TENM2: variants seen among roughly 807,000 people sequenced by gnomAD.
TENM2 encodes teneurin-2.
TENM2 carries 52 observed loss-of-function variants against 245.2 expected under a neutral mutation model. The observed-to-expected ratio is 0.21, with a 90% CI of 0.17 to 0.27. TENM2 has a LOEUF of 0.27. TENM2 is among the 10% of genes least tolerant of loss of function. The probability of loss-of-function intolerance (pLI) is 1.00; values close to 1 mark genes in which losing one functional copy is unlikely to be tolerated. For synonymous variants in TENM2, 1,363 were observed against 1,438.9 expected (o/e 0.95, Z 1.19); for missense variants, 3,046 against 3,666.8 (o/e 0.83, Z 4.37).
chr5:167,670,924 T>C (rs4351166), intron 2 of TENM2, among the ~76,000 whole-genome samples: 52,932 of 152,004 alleles, frequency 0.35, 12,456 homozygotes, highest in East Asian at 0.9. Context: ...TAGGAGAGAC[T>C]GGGAAACCCT....
chr5:167,502,922 T>C (rs1295051762), intron 2 of TENM2, among the ~76,000 whole-genome samples: 1 of 152,198 alleles, frequency 6.6e-6, no homozygotes, highest in African/African-American at 2.4e-5. Context: ...TTCCGTCTCC[T>C]GGGTTCAAGC....
intron 1 of TENM2, among the ~76,000 whole-genome samples, chr5:167,316,799 G>C (rs1756389995): frequency 6.6e-6 from 1 of 152,154 alleles, no homozygotes; most frequent in Admixed American, 6.6e-5. Flanking sequence ...GAAAAGCCTG[G>C]AACAAGTGAA....
intron 2 of TENM2, among the ~76,000 whole-genome samples, chr5:167,699,347 G>C (rs1757994050): frequency 6.6e-6 from 1 of 152,006 alleles, no homozygotes; most frequent in Admixed American, 6.6e-5. Flanking sequence ...TGAATATCAA[G>C]CAGGGAAGGC....
the TENM2 span, among the ~76,000 whole-genome samples, chr5:167,107,010 C>T: frequency 4.6e-5 from 7 of 150,648 alleles, no homozygotes; most frequent in Non-Finnish European, 8.9e-5. Context: ...TTTGGGAGGC[C>T]GAGGCAGGTG....
chr5:168,194,987 T>C (rs571101677), intron 14 of TENM2, among the ~76,000 whole-genome samples, 189 bp from the exon 17 acceptor site: 2 of 152,270 alleles, frequency 1.3e-5, no homozygotes, highest in Non-Finnish European at 2.9e-5. Context: ...CCCAGCTCAG[T>C]GACGGGAGAT....
At chr5:168,001,148 G>C (rs1383334618) in intron 5 of TENM2, among the ~76,000 whole-genome samples, 1 of 152,194 alleles carries the variant, frequency 6.6e-6, no homozygotes, top group Non-Finnish European at 1.5e-5. Context: ...TAGCTTCACT[G>C]TTCCCCTATG....
At chr5:168,260,479 A>T in intron 28 of TENM2, 66 bp downstream of exon 30, 1 of 1,586,004 alleles carries the variant, frequency 6.3e-7, no homozygotes, top group Non-Finnish European at 8.6e-7. Flanking sequence ...ACAGAACCTC[A>T]TGGGAGCCAG....
chr5:167,323,667 AT>A (rs1384105015), intron 1 of TENM2, among the ~76,000 whole-genome samples: 3 of 152,198 alleles, frequency 2.0e-5, no homozygotes, highest in Non-Finnish European at 1.5e-5. Flanking sequence ...ATCTGTGAAA[AT>A]TTTGATAAAT....
intron 19 of TENM2, among the ~76,000 whole-genome samples, chr5:168,207,288 C>T (rs552571193): frequency 6.6e-5 from 10 of 152,244 alleles, no homozygotes; most frequent in African/African-American, 2.2e-4. Context: ...AACACAGACC[C>T]GTCTCCTCCC....
chr5:168,228,921 ATAT>A (rs1764541234), intron 25 of TENM2, among the ~76,000 whole-genome samples: 1 of 143,956 alleles, frequency 6.9e-6, no homozygotes, highest in Non-Finnish European at 1.5e-5. Context: ...TGTAAACCCT[ATAT>A]TATATTATAA....
chr5:168,067,001 G>A lies in TENM2; in HGVS notation c.1515+4736G>A, dbSNP rs527486819. 2.0e-5 allele frequency among the ~76,000 whole-genome samples: 3 copies of A among 152,326 alleles called. No individual in the cohort carries two copies. The South Asian group carries it at 6.2e-4, about 32-fold the overall frequency. On this transcript the variant is annotated intron_variant, in intron 7 of 28. Transcript: ENST00000518659. The stretch of plus-strand genomic sequence containing the variant: ...TCACTGATTGCTACTGATATGTCAA[G>A]CCAAGTAAAATCCTTTGCAAGAACA...
At chr5:167,328,393 G>C (rs1757225851) in intron 1 of TENM2, among the ~76,000 whole-genome samples, 1 of 151,880 alleles carries the variant, frequency 6.6e-6, no homozygotes, top group African/African-American at 2.4e-5. Context: ...ATTTTTAGTA[G>C]AGATGGGTTT....
the TENM2 span, among the ~76,000 whole-genome samples, chr5:166,998,793 C>T: frequency 1.3e-5 from 2 of 152,092 alleles, no homozygotes; most frequent in Admixed American, 1.3e-4. Flanking sequence ...AAATTCGATT[C>T]TTTGGGTGCA....
chr5:167,353,792 C>T (rs1376386150), intron 1 of TENM2, among the ~76,000 whole-genome samples: 3 of 151,864 alleles, frequency 2.0e-5, no homozygotes, highest in Non-Finnish European at 4.4e-5. Context: ...CAGGCGTGAG[C>T]CACCGCGCCC....
the TENM2 span, among the ~76,000 whole-genome samples, chr5:167,098,446 C>T: frequency 6.6e-6 from 1 of 152,168 alleles, no homozygotes; most frequent in African/African-American, 2.4e-5. Flanking sequence ...TGGGATCCAG[C>T]GTTGCAGATT....
chr5:167,999,397 A>G (rs1475371196), intron 5 of TENM2, among the ~76,000 whole-genome samples: 2 of 152,248 alleles, frequency 1.3e-5, no homozygotes, highest in Non-Finnish European at 2.9e-5. Flanking sequence ...TCTAATAGAT[A>G]TGCTAATGTG....
At chr5:167,268,926 A>ATAGATAGG in the TENM2 span, among the ~76,000 whole-genome samples, 1,971 of 144,976 alleles carry the variant, frequency 0.014, 44 homozygotes, top group East Asian at 0.049. Flanking sequence ...AGATAGATAG[A>ATAGATAGG]TAGACAGACA....
chr5:167,305,872 T>G (rs549647395), intron 1 of TENM2, among the ~76,000 whole-genome samples: 1 of 152,316 alleles, frequency 6.6e-6, no homozygotes. Context: ...ATCCCCATTT[T>G]AAAAATGGAA....
chr5:167,773,371 C>T (rs1294103209), intron 2 of TENM2, among the ~76,000 whole-genome samples: 2 of 152,174 alleles, frequency 1.3e-5, no homozygotes, highest in Non-Finnish European at 1.5e-5. Context: ...GAATGATGCT[C>T]AGGCATTAGG....
Sources: allele counts gnomAD v4.1 joint callset (sites outside exome capture counted in the v4.1 genomes callset), GRCh38; gene constraint gnomAD v4.1.1; transcripts MANE v1.5; gene names NCBI Gene and HGNC (gene_info 2026-07-23, HGNC 2026-07-21).